The following CHRNA3 variants were observed in gnomAD, a reference collection of about 807,000 sequenced individuals.
CHRNA3 encodes the protein cholinergic receptor nicotinic alpha 3 subunit, also known as neuronal acetylcholine receptor subunit alpha-3.
Under a neutral mutation model 41.9 loss-of-function variants are expected in CHRNA3, and 34 were observed. That is an observed-to-expected ratio of 0.81 (90% CI 0.62 to 1.08). CHRNA3 has a LOEUF of 1.08. CHRNA3 is among the 50% of genes least tolerant of loss of function. The pLI, the probability that CHRNA3 is intolerant of heterozygous loss-of-function variation, is 0.00. For synonymous variants in CHRNA3, 281 were observed against 265.2 expected (o/e 1.06, Z -0.58); for missense variants, 542 against 638.3 (o/e 0.85, Z 1.63).
chr15:78,597,488 T>C (rs919657447), intron 5 of CHRNA3, among the ~76,000 whole-genome samples: 3 of 151,962 alleles, frequency 2.0e-5, no homozygotes, highest in Non-Finnish European at 4.4e-5. Context: ...ATAAGCGTTA[T>C]CAGGGCAAGT....
intron 5 of CHRNA3, among the ~76,000 whole-genome samples, chr15:78,599,180 G>A (rs761632797): frequency 5.9e-5 from 9 of 151,986 alleles, no homozygotes; most frequent in South Asian, 2.1e-4. Context: ...GTTTCCCTAC[G>A]TGGCCCAGGA....
chr15:78,595,275 CTTTT>C (rs1409247693), downstream of CHRNA3: 131 of 984,498 alleles, frequency 1.3e-4, no homozygotes, highest in Non-Finnish European at 1.6e-4. Flanking sequence ...CGACATCTTT[CTTTT>C]GACTTATTGA....
chr15:78,601,617 A>G lies in CHRNA3; in HGVS notation c.1025T>C (p.Val342Ala). 6.2e-7 allele frequency: 1 copy of G among 1,614,122 alleles called. No individual in the cohort carries two copies. Among genetic ancestry groups the G allele is most frequent in the Non-Finnish European group, 8.5e-7 (1 of 1,180,028 alleles). Residue 342 changes from valine to alanine, a missense_variant, in exon 5 of 6, where the codon GTG becomes GCG. Physicochemically the swap from Val to Ala is moderately conservative, Grantham distance 64. Coordinates refer to ENST00000326828, the MANE Select transcript of CHRNA3 (RefSeq NM_000743.5). Reference protein sequence around the residue: ...TPTTHTMPSWVKTVFLNLLPR... With the variant: ...TPTTHTMPSWAKTVFLNLLPR... ...GAGCAGGTTCAAGAATACAGTCTTC[A>G]CCCATGAGGGCATTGTGTGTGTCGT...
At chr15:78,613,225 T>C (rs935309458) in intron 4 of CHRNA3, among the ~76,000 whole-genome samples, 1 of 152,180 alleles carries the variant, frequency 6.6e-6, no homozygotes, top group Non-Finnish European at 1.5e-5. Flanking sequence ...ACTGGGTATA[T>C]ACCCAAAGGA....
chr15:78,609,458 AT>A (rs1434738310), intron 4 of CHRNA3, among the ~76,000 whole-genome samples: 33 of 152,190 alleles, frequency 2.2e-4, no homozygotes, highest in African/African-American at 8.0e-4. Context: ...TCAACCCAGA[AT>A]TTCATATCCA....
chr15:78,605,942 C>T (rs1355040838), intron 4 of CHRNA3, among the ~76,000 whole-genome samples: 1 of 152,150 alleles, frequency 6.6e-6, no homozygotes, highest in Non-Finnish European at 1.5e-5. Context: ...CCGTCTTCTC[C>T]TATTCCCCCC....
rs1418161532 is a variant in CHRNA3, at chr15:78,602,273, A to G, written c.378-9T>C. ...GGAAATCCCCAACAGCACTGCAAAGACAAAGAGGGGGCACAGTGACACACG... is the reference window on the plus strand; with the variant it reads ...GGAAATCCCCAACAGCACTGCAAAGGCAAAGAGGGGGCACAGTGACACACG... On this transcript the variant is annotated splice_polypyrimidine_tract_variant and intron_variant, in intron 4 of 5. Transcript: ENST00000326828. 6.2e-7 allele frequency: 1 copy of G among 1,610,906 alleles called. No individual in the cohort carries two copies. The highest frequency in any genetic ancestry group is 1.7e-5 in the Admixed American group (1 of 59,814).
rs201033197 is a variant in CHRNA3, at chr15:78,601,614, T to C, written c.1028A>G (p.Lys343Arg). Residue 343 changes from lysine (K) to arginine (R), a missense_variant, in exon 5 of 6, where the codon AAG becomes AGG. Coordinates refer to ENST00000326828, the MANE Select transcript of CHRNA3 (RefSeq NM_000743.5). ...GGGGAGCAGGTTCAAGAATACAGTC[T>C]TCACCCATGAGGGCATTGTGTGTGT... is the stretch of plus-strand genomic sequence containing the variant. ...PTTHTMPSWV[K>R]TVFLNLLPRV... 1 of 1,614,152 alleles carries C rather than the reference T, an allele frequency of 6.2e-7. No homozygotes were observed. Among genetic ancestry groups the C allele is most frequent in the Non-Finnish European group, 8.5e-7 (1 of 1,180,034 alleles).
intron 4 of CHRNA3, 21 bp downstream of exon 4, chr15:78,617,003 G>A (rs778438302): frequency 8.9e-6 from 14 of 1,567,832 alleles, no homozygotes; most frequent in South Asian, 2.2e-5. Context: ...CTGAGAGGGC[G>A]TGGGCCCCCC....
intron 4 of CHRNA3, among the ~76,000 whole-genome samples, chr15:78,607,211 C>A (rs2053303737): frequency 7.8e-6 from 1 of 128,034 alleles, no homozygotes; most frequent in African/African-American, 2.8e-5. Flanking sequence ...CAGTGAGACT[C>A]TGTCTCCAAA....
At position 78,615,734 on chromosome 15, in the gene CHRNA3, CCTGTA is replaced by C. The variant is rs1335752313; in HGVS notation, c.377+1285_377+1289del. Among the ~76,000 whole-genome samples the C allele has an allele frequency of 5.1e-5, 7 of 138,602 alleles. No homozygotes were observed. The South Asian group carries it at 1.6e-3, about 31-fold the overall frequency. 90.9% of individuals were successfully genotyped at this position (138,602 alleles called of 152,430 possible). On this transcript the variant is annotated intron_variant, in intron 4 of 5. Transcript: ENST00000326828. ...GAATAAAATATTTTGAATTCAGGCA[CCTGTA>C]TTTTTTTTTTTTTTTTTTTTTTGAG...
chr15:78,619,017 T>C, intron 1 of CHRNA3, 102 bp from the exon 2 acceptor site: 1 of 1,325,000 alleles, frequency 7.5e-7, no homozygotes, highest in South Asian at 1.3e-5. Context: ...CCTCCACCTG[T>C]GGGGGGATTC....
At position 78,595,371 on chromosome 15, in the gene CHRNA3, C is replaced by CTCTT. The variant is rs2053086925; in HGVS notation, c.*1232_*1233insAAGA. The CTCTT allele has an allele frequency of 3.1e-6, 3 of 982,406 alleles. No homozygotes were observed. The highest frequency in any genetic ancestry group is 3.6e-6 in the Non-Finnish European group (3 of 828,708). The allele number at this position is 982,406 out of a possible 1,614,324, so 60.9% of individuals were successfully genotyped here. The stretch of plus-strand genomic sequence containing the variant: ...TAGTGAGACAAGATTCAAACAGTCT[C>CTCTT]TGTGAATCATCTGTCAGTGGTGATG... On this transcript the variant is annotated 3_prime_UTR_variant, in exon 6 of 6. Coordinates refer to ENST00000326828, the MANE Select transcript of CHRNA3 (RefSeq NM_000743.5).
At chr15:78,603,963 G>T (rs2141328891) in intron 4 of CHRNA3, among the ~76,000 whole-genome samples, 1 of 152,126 alleles carries the variant, frequency 6.6e-6, no homozygotes, top group Admixed American at 6.5e-5. Flanking sequence ...AGCACTGAGG[G>T]GCCCTGGAGA....
rs1243993496 is a variant in CHRNA3, at chr15:78,596,216, A to G, written c.*388T>C. ...AACCTTCAAAGAGATTATGGGCTAAATAAGAAAAATTACTGGGAGATCTGT... is the reference window on the plus strand; with the variant it reads ...AACCTTCAAAGAGATTATGGGCTAAGTAAGAAAAATTACTGGGAGATCTGT... On this transcript the variant is annotated 3_prime_UTR_variant, in exon 6 of 6. Coordinates refer to ENST00000326828, the MANE Select transcript of CHRNA3 (RefSeq NM_000743.5). 2 of 987,298 alleles carry G rather than the reference A, an allele frequency of 2.0e-6. No individual in the cohort carries two copies. The highest frequency in any genetic ancestry group is 3.5e-5 in the African/African-American group (2 of 57,296). 61.2% of individuals were successfully genotyped at this position (987,298 alleles called of 1,614,324 possible).
chr15:78,596,673 G>A lies in CHRNA3; in HGVS notation c.1449C>T (p.Phe483=), dbSNP rs2053116953. 6.2e-7 allele frequency: 1 copy of A among 1,613,004 alleles called. No homozygotes were observed. The highest frequency in any genetic ancestry group is 1.3e-5 in the African/African-American group (1 of 74,850). The change falls in exon 6 of 6, where the codon TTC becomes TTT. Residue 483 remains phenylalanine (F), a synonymous_variant. Transcript: ENST00000326828. The part of the protein sequence containing the change: ...MVIDRIFLWV[F]TLVCILGTAG... Reference sequence around the variant, plus strand: ...CTGTCCCTAGAATGCACACCAGGGTGAAAACCCACAGAAAAATACGATCAA... The same window carrying A: ...CTGTCCCTAGAATGCACACCAGGGTAAAAACCCACAGAAAAATACGATCAA...
At chr15:78,613,893 C>T (rs1030959855) in intron 4 of CHRNA3, among the ~76,000 whole-genome samples, 1 of 151,498 alleles carries the variant, frequency 6.6e-6, no homozygotes, top group African/African-American at 2.4e-5. Flanking sequence ...TTGCAGTGAG[C>T]CCAGATCATG....
Position 78,595,373 on chromosome 15 carries a change from G to C in CHRNA3, c.*1231C>G, listed in dbSNP as rs202207810. 1.9e-4 allele frequency: 126 copies of C among 648,940 alleles called. No homozygotes were observed. The highest frequency in any genetic ancestry group is 2.2e-4 in the Non-Finnish European group (119 of 542,506). 40.2% of individuals were successfully genotyped at this position (648,940 alleles called of 1,614,324 possible). The stretch of plus-strand genomic sequence containing the variant: ...GTGAGACAAGATTCAAACAGTCTCT[G>C]TGAATCATCTGTCAGTGGTGATGAT... On this transcript the variant is annotated 3_prime_UTR_variant, in exon 6 of 6. Coordinates refer to ENST00000326828, the MANE Select transcript of CHRNA3 (RefSeq NM_000743.5).
intron 4 of CHRNA3, among the ~76,000 whole-genome samples, chr15:78,608,060 A>G (rs528826764): frequency 1.3e-5 from 2 of 152,348 alleles, no homozygotes; most frequent in Admixed American, 6.5e-5. Context: ...TAGGTAAACA[A>G]AGCAGCCGGG....
Sources: allele counts gnomAD v4.1 joint callset (sites outside exome capture counted in the v4.1 genomes callset), GRCh38; gene constraint gnomAD v4.1.1; transcripts MANE v1.5; gene names NCBI Gene and HGNC (gene_info 2026-07-23, HGNC 2026-07-21).